Variants in FSTL4 observed in about 807,000 individuals in gnomAD.
The protein encoded by FSTL4 is follistatin-related protein 4.
Under a neutral mutation model 78.2 loss-of-function variants are expected in FSTL4, and 28 were observed. The observed-to-expected ratio is 0.36, with a 90% CI of 0.27 to 0.49. The LOEUF (loss-of-function observed/expected upper bound fraction) is 0.49. Among genes scored for constraint, FSTL4 ranks in the 20% least tolerant of loss-of-function variants. The pLI, the probability that FSTL4 is intolerant of heterozygous loss-of-function variation, is 0.98. For synonymous variants in FSTL4, 422 were observed against 440.5 expected, an observed-to-expected ratio of 0.96 and a Z score of 0.53; for missense variants, 922 against 1,084.9, an observed-to-expected ratio of 0.85 and a Z score of 2.11.
At chr5:133,263,677 A>T (rs1752583586) in intron 6 of FSTL4, among the ~76,000 whole-genome samples, 1 of 152,228 alleles carries the variant, frequency 6.6e-6, no homozygotes, top group South Asian at 2.1e-4. Context: ...GGGTTTTGTC[A>T]TGATAGAGAG....
chr5:133,259,021 T>G (rs529325104), intron 6 of FSTL4, among the ~76,000 whole-genome samples: 1 of 151,984 alleles, frequency 6.6e-6, no homozygotes, highest in Non-Finnish European at 1.5e-5. Flanking sequence ...TCCAAACTGC[T>G]GGACTGAGGG....
At chr5:133,479,131 C>T (rs1757978097) in intron 3 of FSTL4, among the ~76,000 whole-genome samples, 1 of 152,162 alleles carries the variant, frequency 6.6e-6, no homozygotes, top group Non-Finnish European at 1.5e-5. Context: ...TGATTTCCTT[C>T]CCAGCACTCA....
intron 4 of FSTL4, among the ~76,000 whole-genome samples, chr5:133,380,830 C>G (rs1388397842): frequency 1.4e-5 from 2 of 147,600 alleles, no homozygotes; most frequent in Non-Finnish European, 3.0e-5. Context: ...ATATATATAA[C>G]TTATAAAATA....
At chr5:133,634,865 C>T in the FSTL4 span, among the ~76,000 whole-genome samples, 1 of 152,170 alleles carries the variant, frequency 6.6e-6, no homozygotes, top group Non-Finnish European at 1.5e-5. Flanking sequence ...CAGCAAATAG[C>T]ATGGCAATTA....
intron 6 of FSTL4, among the ~76,000 whole-genome samples, chr5:133,283,440 GT>G (rs1479571044): frequency 6.6e-6 from 1 of 152,186 alleles, no homozygotes; most frequent in Non-Finnish European, 1.5e-5. Flanking sequence ...GACACAGCTG[GT>G]GAGGAGTCTA....
chr5:133,288,315 C>T (rs1333694101), intron 6 of FSTL4, among the ~76,000 whole-genome samples: 2 of 152,130 alleles, frequency 1.3e-5, no homozygotes, highest in Non-Finnish European at 2.9e-5. Context: ...AGTAGAGGCC[C>T]CTCTGTCCCG....
At chr5:133,676,060 A>G in the FSTL4 span, among the ~76,000 whole-genome samples, 1 of 152,226 alleles carries the variant, frequency 6.6e-6, no homozygotes, top group South Asian at 2.1e-4. Flanking sequence ...CCTCAGACGT[A>G]TGAATGAATT....
chr5:133,580,424 T>C (rs1220201204), intron 2 of FSTL4, among the ~76,000 whole-genome samples: 1 of 152,214 alleles, frequency 6.6e-6, no homozygotes, highest in Admixed American at 6.5e-5. Context: ...GTCCTGGAGA[T>C]GTAGCAGTGC....
At chr5:133,787,064 C>T in the FSTL4 span, among the ~76,000 whole-genome samples, 1 of 152,140 alleles carries the variant, frequency 6.6e-6, no homozygotes, top group Non-Finnish European at 1.5e-5. Flanking sequence ...GTGAGTCTGC[C>T]TTCTCAAACT....
intron 3 of FSTL4, among the ~76,000 whole-genome samples, chr5:133,515,388 A>G (rs1216933629): frequency 6.6e-6 from 1 of 151,768 alleles, no homozygotes; most frequent in Non-Finnish European, 1.5e-5. Context: ...TGAGAACCCC[A>G]TCTCTTAAAA....
chr5:133,328,584 A>G (rs1239257704), intron 4 of FSTL4, among the ~76,000 whole-genome samples: 1 of 152,198 alleles, frequency 6.6e-6, no homozygotes, highest in African/African-American at 2.4e-5. Flanking sequence ...GTGTTAGTGG[A>G]AAACCTCCAC....
At chr5:133,336,554 G>A (rs1457387120) in intron 4 of FSTL4, among the ~76,000 whole-genome samples, 1 of 152,322 alleles carries the variant, frequency 6.6e-6, no homozygotes, top group East Asian at 1.9e-4. Context: ...GAAAAGGATG[G>A]TACGGATTTT....
intron 4 of FSTL4, among the ~76,000 whole-genome samples, chr5:133,347,986 G>A (rs1157819620): frequency 1.3e-5 from 2 of 152,160 alleles, no homozygotes; most frequent in Non-Finnish European, 2.9e-5. Context: ...GCCCAGTTTT[G>A]TCCAAAGCCA....
At chr5:133,650,036 G>T in the FSTL4 span, among the ~76,000 whole-genome samples, 3 of 152,138 alleles carry the variant, frequency 2.0e-5, no homozygotes, top group Non-Finnish European at 4.4e-5. Flanking sequence ...TCCATTCATG[G>T]TGAGGGCAAA....
At chr5:133,786,229 G>A in the FSTL4 span, among the ~76,000 whole-genome samples, 1 of 152,084 alleles carries the variant, frequency 6.6e-6, no homozygotes, top group Non-Finnish European at 1.5e-5. Context: ...AGCCTCCCTT[G>A]GGCCAGGCCT....
intron 14 of FSTL4, among the ~76,000 whole-genome samples, chr5:133,207,261 C>T (rs77276399): frequency 0.026 from 3,919 of 152,258 alleles, 75 homozygotes; most frequent in Non-Finnish European, 0.039. Flanking sequence ...GTATTCGTTA[C>T]GTTGTTTGTT....
chr5:133,776,170 A>G, the FSTL4 span, among the ~76,000 whole-genome samples: 1 of 152,126 alleles, frequency 6.6e-6, no homozygotes, highest in Non-Finnish European at 1.5e-5. Context: ...TCTGGGTGGC[A>G]GCCTACAGAG....
At chr5:133,481,710 C>A (rs888881417) in intron 3 of FSTL4, among the ~76,000 whole-genome samples, 2 of 152,104 alleles carry the variant, frequency 1.3e-5, no homozygotes, top group Non-Finnish European at 2.9e-5. Flanking sequence ...CAAGGGTGAA[C>A]AAGTCAGACA....
At chr5:133,664,960 C>T in the FSTL4 span, among the ~76,000 whole-genome samples, 1 of 152,038 alleles carries the variant, frequency 6.6e-6, no homozygotes, top group Admixed American at 6.5e-5. Context: ...AAAAATAGAA[C>T]CATATCAGCA....
Sources: gnomAD v4.1 joint callset for allele counts (sites outside exome capture counted in the v4.1 genomes callset) on GRCh38, gnomAD v4.1.1 for gene constraint, MANE v1.5 for transcripts, NCBI Gene and HGNC (gene_info 2026-07-23, HGNC 2026-07-21) for gene names.